WDR17: variants seen among roughly 807,000 people sequenced by gnomAD.
The protein encoded by WDR17 is WD repeat domain 17.
Under a neutral mutation model 161.7 loss-of-function variants are expected in WDR17, and 143 were observed. The observed-to-expected ratio is 0.88, with a 90% confidence interval of 0.77 to 1.02. The LOEUF (loss-of-function observed/expected upper bound fraction) is 1.02, where lower values mean the gene tolerates loss of function less well. WDR17 is among the 50% of genes least tolerant of loss of function. The pLI, the probability that WDR17 is intolerant of heterozygous loss-of-function variation, is 0.00. For synonymous variants in WDR17, 517 were observed against 515.6 expected (o/e 1.00, Z -0.04); for missense variants, 1,469 against 1,520.9 (o/e 0.97, Z 0.57).
At position 176,076,655 on chromosome 4, in the gene WDR17, A is replaced by AT. The variant is rs560947233; in HGVS notation, c.-7+10578dup. Among the ~76,000 whole-genome samples, 676 of 150,550 alleles carry AT rather than the reference A, an allele frequency of 4.5e-3. 8 individuals are homozygous for AT. Among genetic ancestry groups the AT allele is most frequent in the African/African-American group, 0.016 (656 of 41,022 alleles). On this transcript the variant is annotated intron_variant, in intron 1 of 28. Transcript: ENST00000508596. ...TTTTGCAATTTCAGTTTGGCTCTTT[A>AT]TTGCTCTTTAATGTGGATTTTTATT...
In WDR17 at chr4:176,096,506, A is replaced by G. The variant is rs780904572; in HGVS notation, c.-6-15069A>G. On this transcript the variant is annotated intron_variant, in intron 1 of 28. Transcript: ENST00000508596. ...CCGAGTTTCCAATTGCCTTGATTAA[A>G]GTAGAAACATTCTATGGCTTGGATG... is the stretch of plus-strand genomic sequence containing the variant. 46 of 1,598,262 alleles carry G rather than the reference A, an allele frequency of 2.9e-5. No homozygotes were observed. Among genetic ancestry groups the G allele is most frequent in the Non-Finnish European group, 3.7e-5 (43 of 1,172,536 alleles).
chr4:176,167,660 A>C (rs1309722723), intron 22 of WDR17, among the ~76,000 whole-genome samples: 1 of 125,988 alleles, frequency 7.9e-6, no homozygotes, highest in African/African-American at 2.7e-5. Flanking sequence ...AAAAAAAAAA[A>C]AAAAAAAAAA....
chr4:176,172,554 C>A, intron 24 of WDR17, 38 bp downstream of exon 24: 1 of 1,489,056 alleles, frequency 6.7e-7, no homozygotes, highest in Non-Finnish European at 9.1e-7. Flanking sequence ...TAAATATACT[C>A]ATTTATTTGA....
intron 1 of WDR17, among the ~76,000 whole-genome samples, chr4:176,075,425 T>C (rs2126566469): frequency 6.6e-6 from 1 of 152,274 alleles, no homozygotes; most frequent in Admixed American, 6.5e-5. Context: ...GATTTTAAAG[T>C]TTTGATAATG....
At chr4:176,153,873 T>C (rs1561189716) in intron 17 of WDR17, among the ~76,000 whole-genome samples, 1 of 152,168 alleles carries the variant, frequency 6.6e-6, no homozygotes, top group Admixed American at 6.5e-5. Flanking sequence ...AATTTAAAAG[T>C]ATTTAATTTA....
At chr4:176,139,453 C>T (rs918533484) in intron 9 of WDR17, among the ~76,000 whole-genome samples, 1 of 151,784 alleles carries the variant, frequency 6.6e-6, no homozygotes, top group Non-Finnish European at 1.5e-5. Context: ...AACTTTGAAA[C>T]TTAGAGAAAC....
At chr4:176,118,610 A>G (rs1321599208) in intron 3 of WDR17, among the ~76,000 whole-genome samples, 4 of 151,920 alleles carry the variant, frequency 2.6e-5, no homozygotes, top group African/African-American at 4.8e-5. Context: ...TGTTCATATC[A>G]TTTTCTCTTC....
rs901165408 is a variant in WDR17, at chr4:176,168,700, A to T, written c.3019A>T (p.Ile1007Phe). The change falls in exon 23 of 29, where the codon ATT becomes TTT. Residue 1007 changes from isoleucine to phenylalanine, a missense_variant. Transcript: ENST00000508596. ...WNLAADLLLM[I>F]PDNELHLIKL... is the part of the protein sequence containing the mutation. ...TTTGGCAGCTGATCTTCTTCTGATG[A>T]TTCCTGATAATGAACTACATTTAAT... The T allele has an allele frequency of 2.9e-5, 46 of 1,613,462 alleles. No individual in the cohort carries two copies. Among genetic ancestry groups the T allele is most frequent in the Non-Finnish European group, 3.6e-5 (43 of 1,179,748 alleles).
chr4:176,171,276 A>G (rs910136703), intron 23 of WDR17, among the ~76,000 whole-genome samples: 1 of 152,192 alleles, frequency 6.6e-6, no homozygotes, highest in Non-Finnish European at 1.5e-5. Flanking sequence ...TCTTCTTCTT[A>G]TAGTCTATTT....
At chr4:176,075,144 A>G (rs984590331) in intron 1 of WDR17, among the ~76,000 whole-genome samples, 6 of 151,918 alleles carry the variant, frequency 3.9e-5, no homozygotes, top group African/African-American at 1.4e-4. Context: ...TGTTTTATGT[A>G]TATGTTAATA....
intron 8 of WDR17, 51 bp from the exon 9 acceptor site, chr4:176,137,469 T>C (rs1408716332): frequency 2.8e-6 from 4 of 1,448,738 alleles, no homozygotes; most frequent in Non-Finnish European, 3.8e-6. Flanking sequence ...TTTAAAAGAA[T>C]TACATTTGTG....
At chr4:176,112,940 T>A (rs1052466513) in intron 2 of WDR17, among the ~76,000 whole-genome samples, 3 of 152,140 alleles carry the variant, frequency 2.0e-5, no homozygotes, top group Non-Finnish European at 2.9e-5. Context: ...TGCATTATGC[T>A]TTATTCAAAA....
chr4:176,168,630 A>G, intron 22 of WDR17, 42 bp from the exon 23 acceptor site: 1 of 1,609,708 alleles, frequency 6.2e-7, no homozygotes, highest in African/African-American at 1.3e-5. Context: ...TTATTTTTAA[A>G]TCTTCTCCTC....
At chr4:176,098,846 C>A (rs1385352711) in intron 1 of WDR17, among the ~76,000 whole-genome samples, 2 of 150,774 alleles carry the variant, frequency 1.3e-5, no homozygotes, top group Non-Finnish European at 3.0e-5. Context: ...TTATTTTGTC[C>A]TAATTATTAT....
At chr4:176,072,604 G>A (rs1004761865) in intron 1 of WDR17, among the ~76,000 whole-genome samples, 1 of 152,118 alleles carries the variant, frequency 6.6e-6, no homozygotes, top group Non-Finnish European at 1.5e-5. Context: ...AAGTTAGTGG[G>A]CCAATGGATG....
At position 176,099,705 on chromosome 4, in the gene WDR17, G is replaced by T. The variant is rs140793398; in HGVS notation, c.-6-11870G>T. 1.6e-3 allele frequency among the ~76,000 whole-genome samples: 241 copies of T among 152,100 alleles called. 1 individual carries two copies. Among genetic ancestry groups the T allele is most frequent in the African/African-American group, 4.8e-3 (198 of 41,506 alleles). ...ATCCATCACCTGAATAATGTACATT[G>T]TACCATTCAGTAATTTCTCATCATC... On this transcript the variant is annotated intron_variant, in intron 1 of 28. Transcript: ENST00000508596.
intron 26 of WDR17, among the ~76,000 whole-genome samples, chr4:176,176,588 C>G (rs1179178146): frequency 6.6e-6 from 1 of 152,182 alleles, no homozygotes; most frequent in Non-Finnish European, 1.5e-5. Flanking sequence ...TCTTCAAACT[C>G]CTATGTGTAT....
At chr4:176,149,231 A>C (rs951067391) in intron 13 of WDR17, among the ~76,000 whole-genome samples, 7 of 151,642 alleles carry the variant, frequency 4.6e-5, no homozygotes, top group Non-Finnish European at 1.0e-4. Flanking sequence ...CTTTCTAATA[A>C]TTTTTTTCTT....
At chr4:176,165,182 A>AAAC (rs549240944) in intron 22 of WDR17, among the ~76,000 whole-genome samples, 103 of 147,534 alleles carry the variant, frequency 7.0e-4, no homozygotes, top group African/African-American at 2.3e-3. Flanking sequence ...AAAAAAAAAA[A>AAAC]CCCATTACTA....
Sources: gnomAD v4.1 joint callset for allele counts (sites outside exome capture counted in the v4.1 genomes callset) on GRCh38, gnomAD v4.1.1 for gene constraint, MANE v1.5 for transcripts, NCBI Gene and HGNC (gene_info 2026-07-23, HGNC 2026-07-21) for gene names.